The following PDE4D variants were observed in gnomAD, a reference collection of about 807,000 sequenced individuals.
PDE4D encodes phosphodiesterase 4D, also known as 3',5'-cyclic-AMP phosphodiesterase 4D.
A neutral mutation model predicts 87.4 loss-of-function variants in PDE4D; 24 were observed. The ratio of observed to expected loss-of-function variants is 0.27; its 90% confidence interval spans 0.20 to 0.39. The LOEUF (loss-of-function observed/expected upper bound fraction) is 0.39. Among genes scored for constraint, PDE4D ranks in the 10% least tolerant of loss-of-function variants. The pLI is 1.00. For synonymous variants in PDE4D, 384 were observed against 383.2 expected (o/e 1.00, Z -0.02); for missense variants, 714 against 1,041.0 (o/e 0.69, Z 4.32).
At chr5:59,984,849 G>T (rs931070502) in intron 3 of PDE4D, among the ~76,000 whole-genome samples, 8 of 152,056 alleles carry the variant, frequency 5.3e-5, no homozygotes, top group Admixed American at 1.3e-4. Context: ...AAGAGCAAAA[G>T]GCTATGATGT....
rs1192014295 is a variant in PDE4D, at chr5:58,970,683, G to A, written c.*3981C>T. The A allele has an allele frequency of 1.3e-5, 2 of 152,042 alleles. No individual in the cohort carries two copies. The highest frequency in any genetic ancestry group is 2.4e-5 in the African/African-American group (1 of 41,408). 9.4% of individuals were successfully genotyped at this position (152,042 alleles called of 1,614,324 possible). Reference sequence around the variant, plus strand: ...GTAAGGACATTTGGTTTATCTTAGTGGAAGAAAAATTTTAGGATTAAAAAA... The same window carrying A: ...GTAAGGACATTTGGTTTATCTTAGTAGAAGAAAAATTTTAGGATTAAAAAA... On this transcript the variant is annotated 3_prime_UTR_variant, in exon 15 of 15. Coordinates refer to ENST00000340635, the MANE Select transcript of PDE4D (RefSeq NM_001104631.2).
intron 1 of PDE4D, among the ~76,000 whole-genome samples, chr5:59,373,183 G>A (rs574098793): frequency 4.6e-5 from 7 of 152,214 alleles, no homozygotes; most frequent in Admixed American, 4.6e-4. Context: ...GGCTGAGATG[G>A]CTGAAATGAC....
intron 3 of PDE4D, among the ~76,000 whole-genome samples, chr5:59,978,535 T>C (rs778012164): frequency 3.0e-4 from 46 of 152,152 alleles, no homozygotes; most frequent in Non-Finnish European, 6.2e-4. Flanking sequence ...GCAAAGAAAA[T>C]GGTTTCTTGA....
intron 1 of PDE4D, among the ~76,000 whole-genome samples, chr5:59,385,994 A>T (rs1786899114): frequency 6.6e-6 from 1 of 152,158 alleles, no homozygotes; most frequent in Non-Finnish European, 1.5e-5. Flanking sequence ...ACATTTCTCT[A>T]GAAAATAAAT....
chr5:58,991,551 G>A (rs1747915748), intron 8 of PDE4D, among the ~76,000 whole-genome samples: 1 of 151,990 alleles, frequency 6.6e-6, no homozygotes, highest in Non-Finnish European at 1.5e-5. Flanking sequence ...AACCTTAACT[G>A]TTTTCCTAAA....
At chr5:59,056,154 G>A (rs773481567) in intron 5 of PDE4D, among the ~76,000 whole-genome samples, 7 of 152,156 alleles carry the variant, frequency 4.6e-5, no homozygotes, top group Non-Finnish European at 4.4e-5. Flanking sequence ...AGGGAATAGC[G>A]TGTGAACCAC....
chr5:60,486,154 C>A (rs1749121059), intron 1 of PDE4D, among the ~76,000 whole-genome samples: 1 of 152,310 alleles, frequency 6.6e-6, no homozygotes, highest in South Asian at 2.1e-4. Flanking sequence ...GCAGCTTCAA[C>A]TCTACTACTT....
intron 1 of PDE4D, chr5:59,276,170 C>G (rs1435701310): frequency 6.1e-6 from 6 of 976,836 alleles, no homozygotes; most frequent in East Asian, 1.1e-4. Flanking sequence ...AGCCTAGCCT[C>G]GTCAATTGCT....
At chr5:59,014,254 T>C (rs187483145) in intron 6 of PDE4D, among the ~76,000 whole-genome samples, 5 of 152,260 alleles carry the variant, frequency 3.3e-5, no homozygotes, top group Non-Finnish European at 7.4e-5. Context: ...GGATGCCTTC[T>C]CTCACCGCTC....
intron 3 of PDE4D, among the ~76,000 whole-genome samples, chr5:59,899,437 A>C (rs1337882686): frequency 6.9e-6 from 1 of 145,352 alleles, no homozygotes; most frequent in Admixed American, 6.8e-5. Context: ...ACCTAAGCAC[A>C]TATATATATA....
chr5:59,673,166 C>CT (rs1474180105), intron 1 of PDE4D, among the ~76,000 whole-genome samples: 1 of 152,084 alleles, frequency 6.6e-6, no homozygotes, highest in Non-Finnish European at 1.5e-5. Context: ...TCTGACAATC[C>CT]TTTTTTTGAT....
intron 1 of PDE4D, among the ~76,000 whole-genome samples, chr5:59,698,115 A>G (rs73758856): frequency 0.072 from 10,915 of 152,184 alleles, 1,205 homozygotes; most frequent in African/African-American, 0.24. Flanking sequence ...TCATCCCACT[A>G]TAAGAGGCTC....
At chr5:59,328,163 T>G (rs1287703825) in intron 1 of PDE4D, among the ~76,000 whole-genome samples, 1 of 152,136 alleles carries the variant, frequency 6.6e-6, no homozygotes, top group Non-Finnish European at 1.5e-5. Context: ...GGAGCAGTGG[T>G]TAATTATATA....
intron 1 of PDE4D, among the ~76,000 whole-genome samples, chr5:60,365,595 A>G (rs1446432177): frequency 2.0e-5 from 3 of 152,226 alleles, no homozygotes; most frequent in Non-Finnish European, 4.4e-5. Context: ...AGATAAATAT[A>G]TCACACCTAA....
intron 1 of PDE4D, among the ~76,000 whole-genome samples, chr5:59,822,219 C>G (rs1395069748): frequency 6.6e-6 from 1 of 152,090 alleles, no homozygotes; most frequent in Non-Finnish European, 1.5e-5. Context: ...AAACTTTATA[C>G]TCAAAGAATT....
At chr5:59,986,732 T>C (rs1762489177) in intron 3 of PDE4D, 1 of 152,210 alleles carries the variant, frequency 6.6e-6, no homozygotes, top group African/African-American at 2.4e-5. Context: ...TGGCTCAATT[T>C]GCCTAAACTG....
intron 2 of PDE4D, among the ~76,000 whole-genome samples, chr5:59,999,107 A>G (rs1763791077): frequency 6.6e-6 from 1 of 152,180 alleles, no homozygotes; most frequent in South Asian, 2.1e-4. Flanking sequence ...AAAGAAAATA[A>G]TAGTCTCATT....
intron 1 of PDE4D, among the ~76,000 whole-genome samples, chr5:60,214,706 A>G (rs1743648404): frequency 6.6e-6 from 1 of 152,182 alleles, no homozygotes; most frequent in African/African-American, 2.4e-5. Context: ...CAGAAACTGA[A>G]CAGAGGACAG....
At chr5:60,275,371 T>C (rs1751259244) in intron 1 of PDE4D, among the ~76,000 whole-genome samples, 1 of 152,082 alleles carries the variant, frequency 6.6e-6, no homozygotes. Context: ...AAAATATATT[T>C]AATATAATTT....
Sources: gnomAD v4.1 joint callset for allele counts (sites outside exome capture counted in the v4.1 genomes callset) on GRCh38, gnomAD v4.1.1 for gene constraint, MANE v1.5 for transcripts, NCBI Gene and HGNC (gene_info 2026-07-23, HGNC 2026-07-21) for gene names.